Variants in TPO observed in about 807,000 individuals in gnomAD.
TPO encodes thyroid peroxidase.
In TPO, 78 loss-of-function variants were observed where a neutral mutation model predicts 96.9. The ratio of observed to expected loss-of-function variants is 0.81; its 90% CI spans 0.67 to 0.97. The LOEUF (loss-of-function observed/expected upper bound fraction) is 0.97. Ranked by LOEUF, TPO falls within the 50% of genes least tolerant of loss-of-function variation. The pLI, the probability that TPO is intolerant of heterozygous loss-of-function variation, is 0.00. For synonymous variants in TPO, 547 were observed against 538.0 expected, an observed-to-expected ratio of 1.02 and a Z score of -0.23; for missense variants, 1,252 against 1,274.8, an observed-to-expected ratio of 0.98 and a Z score of 0.27.
intron 14 of TPO, among the ~76,000 whole-genome samples, chr2:1,516,505 G>A (rs535184342): frequency 6.4e-4 from 97 of 152,272 alleles, no homozygotes; most frequent in African/African-American, 2.2e-3. Flanking sequence ...TTCCCGCCCC[G>A]GTCCGAGGCC....
chr2:1,495,452 T>C (rs1672226961), intron 11 of TPO, among the ~76,000 whole-genome samples: 2 of 152,228 alleles, frequency 1.3e-5, no homozygotes, highest in Non-Finnish European at 2.9e-5. Flanking sequence ...AGGAAGAAGC[T>C]GAAGGTAGAG....
upstream of TPO, among the ~76,000 whole-genome samples, chr2:1,409,613 C>T (rs535009282): frequency 1.6e-4 from 24 of 152,238 alleles, no homozygotes; most frequent in African/African-American, 5.5e-4. Flanking sequence ...GTGATTACAT[C>T]TCAGAGCTCA....
At chr2:1,537,463 A>C (rs1353388638) in intron 15 of TPO, among the ~76,000 whole-genome samples, 96 of 139,994 alleles carry the variant, frequency 6.9e-4, no homozygotes, top group Non-Finnish European at 1.2e-3. Flanking sequence ...CACTGTGTGC[A>C]ACCTCCTCAA....
At chr2:1,448,363 C>T (rs529842805) in intron 5 of TPO, among the ~76,000 whole-genome samples, 5 of 152,338 alleles carry the variant, frequency 3.3e-5, no homozygotes, top group Non-Finnish European at 5.9e-5. Context: ...CTTCCCTGAG[C>T]CTCTGCCGAG....
At chr2:1,440,127 A>T (rs112270198) in intron 5 of TPO, among the ~76,000 whole-genome samples, 5 of 150,698 alleles carry the variant, frequency 3.3e-5, no homozygotes, top group African/African-American at 1.2e-4. Flanking sequence ...AATGTGCTAC[A>T]TTTCCACTGT....
chr2:1,517,036 C>G, intron 15 of TPO, 54 bp downstream of exon 15: 1 of 1,564,844 alleles, frequency 6.4e-7, no homozygotes, highest in Non-Finnish European at 8.7e-7. Context: ...CTCCTTTCCT[C>G]TGGACATGGC....
At position 1,426,465 on chromosome 2, in the gene TPO, C is replaced by T. The variant is rs150988740; in HGVS notation, c.179+3336C>T. Among the ~76,000 whole-genome samples the T allele has an allele frequency of 0.013, 1,940 of 152,092 alleles. 72 individuals carry two copies. The East Asian group carries it at 0.13, about 11-fold the overall frequency. ...TCTGTAAAGTCGTTGTTCTAGATGC[C>T]GGGATACAGAGATGAGTTCGATCAT... On this transcript the variant is annotated intron_variant, in intron 3 of 16. Coordinates refer to ENST00000329066, the MANE Select transcript of TPO (RefSeq NM_001206744.2).
chr2:1,541,174 T>C, intron 16 of TPO: 1 of 1,174,384 alleles, frequency 8.5e-7, no homozygotes, highest in South Asian at 1.7e-5. Context: ...AAAAACTCAC[T>C]TGTGTAAGTC....
intron 7 of TPO, 86 bp from the exon 8 acceptor site, chr2:1,477,000 G>C: frequency 6.7e-7 from 1 of 1,487,098 alleles, no homozygotes; most frequent in African/African-American, 1.4e-5. Flanking sequence ...GCGGCGCTGC[G>C]GGGTCGTCGC....
chr2:1,436,716 G>T (rs918429368), intron 5 of TPO, among the ~76,000 whole-genome samples: 1 of 152,090 alleles, frequency 6.6e-6, no homozygotes, highest in East Asian at 1.9e-4. Context: ...CGCTAGCTCC[G>T]CTACCCATTG....
At chr2:1,477,050 G>A (rs1405727478) in intron 7 of TPO, 36 bp from the exon 8 acceptor site, 1 of 1,590,246 alleles carries the variant, frequency 6.3e-7, no homozygotes, top group Non-Finnish European at 8.5e-7. Flanking sequence ...GGTGCACGGG[G>A]GCCCTGGGTG....
At chr2:1,504,576 T>C (rs1038921507) in intron 14 of TPO, among the ~76,000 whole-genome samples, 1 of 152,222 alleles carries the variant, frequency 6.6e-6, no homozygotes, top group African/African-American at 2.4e-5. Context: ...CGGATGGCCT[T>C]GTCCAGTCCC....
At chr2:1,472,608 A>G (rs967088631) in intron 7 of TPO, among the ~76,000 whole-genome samples, 3 of 151,954 alleles carry the variant, frequency 2.0e-5, no homozygotes, top group African/African-American at 4.8e-5. Flanking sequence ...GGTCACAGCC[A>G]TGGGTGTGCC....
intron 10 of TPO, among the ~76,000 whole-genome samples, chr2:1,490,964 G>T (rs147599660): frequency 0.049 from 7,486 of 152,266 alleles, 257 homozygotes; most frequent in South Asian, 0.13. Context: ...GAGTTCAGGA[G>T]TTCAAGACCA....
rs1298488813 is a variant in TPO at position 1,456,071 on chromosome 2, C to T, written c.613-5C>T. ...TGTCCTGACCAATGGTCTCTTCCTA[C>T]CCAGGTCCGGGAGGTGACAAGACAT... On this transcript the variant is annotated splice_region_variant and splice_polypyrimidine_tract_variant and intron_variant, in intron 6 of 16. Transcript: ENST00000329066. The T allele has an allele frequency of 6.2e-7, 1 of 1,613,220 alleles. No homozygotes were observed. Among genetic ancestry groups the T allele is most frequent in the African/African-American group, 1.3e-5 (1 of 74,910 alleles).
rs2070881 is a variant in TPO at position 1,453,592 on chromosome 2, A to G, written c.483-102A>G. 0.94 allele frequency: 1,497,017 copies of G among 1,590,102 alleles called. 705,135 individuals are homozygous for G. Among genetic ancestry groups the G allele is most frequent in the South Asian group, 0.98 (88,506 of 90,612 alleles). ...CTGTGCCCCTTGGGCCTCCGGAGAG[A>G]CCCCACTTATTCTCCCTGAGAATGG... On this transcript the variant is annotated intron_variant, in intron 5 of 16. Transcript: ENST00000329066.
At chr2:1,437,211 A>G (rs939313321) in intron 5 of TPO, among the ~76,000 whole-genome samples, 1 of 152,242 alleles carries the variant, frequency 6.6e-6, no homozygotes, top group African/African-American at 2.4e-5. Flanking sequence ...TGAAACGTGC[A>G]GCCTTTGGCA....
chr2:1,529,818 G>C (rs1244477496), intron 15 of TPO, among the ~76,000 whole-genome samples: 1 of 129,720 alleles, frequency 7.7e-6, no homozygotes, highest in African/African-American at 3.2e-5. Flanking sequence ...CCCATTGTGT[G>C]CAGCCTCCCC....
intron 15 of TPO, among the ~76,000 whole-genome samples, chr2:1,532,510 G>T (rs1327825647): frequency 1.9e-5 from 1 of 52,858 alleles, no homozygotes; most frequent in Non-Finnish European, 3.5e-5. Context: ...CAAAACCCCC[G>T]CCACTCTGAG....
Sources: allele counts gnomAD v4.1 joint callset (sites outside exome capture counted in the v4.1 genomes callset), GRCh38; gene constraint gnomAD v4.1.1; transcripts MANE v1.5; gene names NCBI Gene and HGNC (gene_info 2026-07-23, HGNC 2026-07-21).